ADH1A: variants seen among roughly 807,000 people sequenced by gnomAD.
ADH1A encodes alcohol dehydrogenase 1A.
ADH1A carries 29 observed loss-of-function variants against 35.2 expected under a neutral mutation model. That is an observed-to-expected ratio of 0.82 (90% CI 0.61 to 1.12). The LOEUF (loss-of-function observed/expected upper bound fraction) is 1.12, where lower values mean the gene tolerates loss of function less well. Among genes scored for constraint, ADH1A ranks in the 50% most tolerant of loss-of-function variants. The probability of loss-of-function intolerance (pLI) is 0.00; values close to 1 mark genes in which losing one functional copy is unlikely to be tolerated. For missense variants in ADH1A, 469 were observed against 464.7 expected, an observed-to-expected ratio of 1.01 and a Z score of -0.09; for synonymous variants, 147 against 164.8, an observed-to-expected ratio of 0.89 and a Z score of 0.83.
chr4:99,283,473 T>TATTCATTC (rs146495893), intron 5 of ADH1A, among the ~76,000 whole-genome samples: 3,170 of 151,686 alleles, frequency 0.021, 61 homozygotes, highest in South Asian at 0.11. Context: ...TAAGGGTGTC[T>TATTCATTC]ATTCATTCAT....
chr4:99,286,676 A>T, intron 3 of ADH1A, 174 bp downstream of exon 3: 1 of 1,091,802 alleles, frequency 9.2e-7, no homozygotes, highest in Non-Finnish European at 1.3e-6. Flanking sequence ...GCGTGCCTAA[A>T]GACATACATG....
chr4:99,279,296 A>G lies in ADH1A; in HGVS notation c.1103+130T>C, dbSNP rs912937201. ...AACTTCTCTTACAAGCTCTCCATGT[A>G]AAGACTGAACTGGTAATGGAAGAAC... On this transcript the variant is annotated intron_variant, in intron 8 of 8. Coordinates refer to ENST00000209668, the MANE Select transcript of ADH1A (RefSeq NM_000667.4). 15 of 1,229,784 alleles carry G rather than the reference A, an allele frequency of 1.2e-5. No individual in the cohort carries two copies. In the African/African-American group the frequency reaches 1.4e-4, roughly 12 times the overall value. 76.2% of individuals were successfully genotyped at this position (1,229,784 alleles called of 1,614,324 possible).
intron 6 of ADH1A, among the ~76,000 whole-genome samples, chr4:99,280,486 G>T (rs1732975621): frequency 6.6e-6 from 1 of 152,050 alleles, no homozygotes; most frequent in African/African-American, 2.4e-5. Flanking sequence ...ATGAAAGAAT[G>T]GATGAATAAA....
At chr4:99,282,184 T>G (rs759125946) in intron 6 of ADH1A, 162 bp downstream of exon 6, 1 of 1,358,944 alleles carries the variant, frequency 7.4e-7, no homozygotes, top group Admixed American at 2.0e-5. Context: ...AATAAAAGAT[T>G]CCTCATAACA....
At position 99,281,449 on chromosome 4, in the gene ADH1A, C is replaced by T. The variant is rs28364323; in HGVS notation, c.828+897G>A. Among the ~76,000 whole-genome samples, 880 of 152,240 alleles carry T rather than the reference C, an allele frequency of 5.8e-3. 4 individuals are homozygous for T. The highest frequency in any genetic ancestry group is 0.034 in the Middle Eastern group (10 of 294). On this transcript the variant is annotated intron_variant, in intron 6 of 8. Transcript: ENST00000209668. Reference sequence around the variant, plus strand: ...TGGAAATAGTATTTCATATCAATAACGCCAACTGAGGCCGGGCGTGGTAGC... The same window carrying T: ...TGGAAATAGTATTTCATATCAATAATGCCAACTGAGGCCGGGCGTGGTAGC...
chr4:99,286,875 T>C lies in ADH1A; in HGVS notation c.234A>G (p.Gly78=), dbSNP rs1380884049. Reference sequence around the variant, plus strand: ...CTGGTTTGACTGTAGTCACCCCTTCTCCAACACTCTCCACGATGCCGGCTG... The same window carrying C: ...CTGGTTTGACTGTAGTCACCCCTTCCCCAACACTCTCCACGATGCCGGCTG... ...HEAAGIVESV[G]EGVTTVKPGD... Residue 78 remains glycine (G), a synonymous_variant, in exon 3 of 9, where the codon GGA becomes GGG. Coordinates refer to ENST00000209668, the MANE Select transcript of ADH1A (RefSeq NM_000667.4). 1 of 1,614,154 alleles carries C rather than the reference T, an allele frequency of 6.2e-7. No homozygotes were observed. The highest frequency in any genetic ancestry group is 8.5e-7 in the Non-Finnish European group (1 of 1,180,022).
chr4:99,283,895 A>G (rs1733067630), intron 5 of ADH1A, among the ~76,000 whole-genome samples: 2 of 152,198 alleles, frequency 1.3e-5, no homozygotes, highest in Admixed American at 6.5e-5. Context: ...TTTCAGTCTA[A>G]GAATCCACAG....
intron 8 of ADH1A, among the ~76,000 whole-genome samples, chr4:99,278,022 G>T (rs1444438726): frequency 6.6e-6 from 1 of 152,056 alleles, no homozygotes; most frequent in East Asian, 1.9e-4. Context: ...AAAGTGCCTA[G>T]TCACCTTAGT....
Position 99,280,171 on chromosome 4 carries a change from G to T in ADH1A, c.937C>A (p.Arg313Ser). 1 of 1,613,804 alleles carries T rather than the reference G, an allele frequency of 6.2e-7. No individual in the cohort carries two copies. Among genetic ancestry groups the T allele is most frequent in the Non-Finnish European group, 8.5e-7 (1 of 1,179,786 alleles). ...SMNPMLLLTG[R>S]TWKGAILGGF... The stretch of plus-strand genomic sequence containing the variant: ...CCAAGAATAGCTCCCTTCCAGGTAC[G>T]TCCAGTCAGTAGCAGCATAGGGTTC... Residue 313 changes from arginine to serine, a missense_variant, in exon 7 of 9, where the codon CGT (arginine) becomes AGT (serine). Transcript: ENST00000209668.
At chr4:99,288,728 AGG>A (rs1733217957) in intron 1 of ADH1A, 1 of 152,214 alleles carries the variant, frequency 6.6e-6, no homozygotes, top group Non-Finnish European at 1.5e-5. Context: ...TACTAATAGT[AGG>A]AGTTCCTGAT....
At chr4:99,287,774 A>G in intron 1 of ADH1A, 109 bp from the exon 2 acceptor site, 1 of 1,204,076 alleles carries the variant, frequency 8.3e-7, no homozygotes, top group South Asian at 1.4e-5. Flanking sequence ...TCTGGTACCT[A>G]ACAAGTGCTC....
At chr4:99,287,870 A>G (rs890470437) in intron 1 of ADH1A, among the ~76,000 whole-genome samples, 19 of 152,378 alleles carry the variant, frequency 1.2e-4, no homozygotes, top group African/African-American at 3.8e-4. Flanking sequence ...ACAGTTAACT[A>G]TAACAACACA....
intron 6 of ADH1A, 138 bp downstream of exon 6, chr4:99,282,208 G>T (rs1309906826): frequency 2.0e-6 from 3 of 1,515,332 alleles, no homozygotes; most frequent in Non-Finnish European, 1.8e-6. Flanking sequence ...AATTAAACAA[G>T]CCAGGTAACA....
intron 3 of ADH1A, among the ~76,000 whole-genome samples, chr4:99,286,091 G>GTCTAT (rs1426493306): frequency 1.3e-5 from 2 of 149,656 alleles, no homozygotes; most frequent in African/African-American, 4.9e-5. Context: ...TACCTATGCT[G>GTCTAT]TCTATTCCAC....
At chr4:99,284,898 A>G (rs1733111167) in intron 3 of ADH1A, 95 bp from the exon 4 acceptor site, 4 of 1,098,908 alleles carry the variant, frequency 3.6e-6, no homozygotes, top group East Asian at 5.1e-5. Context: ...CATTAGAAAC[A>G]TGTGTCTTTA....
rs6828526 is a variant in ADH1A at position 99,284,730 on chromosome 4, G to A, written c.333C>T (p.Tyr111=). Residue 111 remains tyrosine, a synonymous_variant, in exon 4 of 9, where the codon TAC becomes TAT. Coordinates refer to ENST00000209668, the MANE Select transcript of ADH1A (RefSeq NM_000667.4). ...CAGAAACCTACTCGTTTTTCAAGCA[G>A]TAGTTGCTCTCCGGGTTTTTACAAA... is the stretch of plus-strand genomic sequence containing the variant. ...CRICKNPESN[Y]CLKNDVSNPQ... The A allele has an allele frequency of 7.1e-4, 1,145 of 1,614,174 alleles. 6 individuals are homozygous for A. The African/African-American group carries it at 0.011, about 16-fold the overall frequency.
chr4:99,283,074 A>C (rs1163452771), intron 5 of ADH1A, among the ~76,000 whole-genome samples: 2 of 152,246 alleles, frequency 1.3e-5, no homozygotes, highest in Non-Finnish European at 2.9e-5. Flanking sequence ...CTACTCCAGG[A>C]GACTGAAAAA....
In ADH1A at chr4:99,279,542, G is replaced by T. The variant is rs746836471; in HGVS notation, c.987C>A (p.Val329=). 6.2e-7 allele frequency: 1 copy of T among 1,610,640 alleles called. No individual in the cohort carries two copies. The highest frequency in any genetic ancestry group is 8.5e-7 in the Non-Finnish European group (1 of 1,178,836). ...CCATAAAATCAGCCACAAGTTTTGG[G>T]ACACATTCTTTACTTTTAAAGCCTG... ...ILGGFKSKEC[V]PKLVADFMAK... The change falls in exon 8 of 9, where the codon GTC becomes GTA. Residue 329 remains valine (V), a synonymous_variant. Transcript: ENST00000209668.
chr4:99,282,157 G>A (rs760561493), intron 6 of ADH1A, 189 bp downstream of exon 6: 24 of 1,106,114 alleles, frequency 2.2e-5, no homozygotes, highest in South Asian at 6.1e-5. Context: ...CTTGAGACAC[G>A]TTTGCATAGT....
Sources: allele counts gnomAD v4.1 joint callset (sites outside exome capture counted in the v4.1 genomes callset), GRCh38; gene constraint gnomAD v4.1.1; transcripts MANE v1.5; gene names NCBI Gene and HGNC (gene_info 2026-07-23, HGNC 2026-07-21).